The following KAT6B variants were observed in gnomAD, a reference collection of about 807,000 sequenced individuals.
The protein encoded by KAT6B is histone acetyltransferase KAT6B.
KAT6B carries 10 observed loss-of-function variants against 187.5 expected under a neutral mutation model. The ratio of observed to expected loss-of-function variants is 0.05; its 90% CI spans 0.03 to 0.09. The LOEUF (loss-of-function observed/expected upper bound fraction) is 0.09, where lower values mean the gene tolerates loss of function less well. Ranked by LOEUF, KAT6B falls within the 10% of genes least tolerant of loss-of-function variation. The pLI is 1.00. For synonymous variants in KAT6B, 861 were observed against 926.8 expected (o/e 0.93, Z 1.29); for missense variants, 1,952 against 2,558.9 (o/e 0.76, Z 5.12).
upstream of KAT6B, among the ~76,000 whole-genome samples, chr10:74,825,871 G>T (rs550954619): frequency 1.4e-4 from 22 of 151,822 alleles, no homozygotes; most frequent in Non-Finnish European, 1.9e-4. The surrounding 1 kb of genome is among the most constrained non-coding windows in gnomAD (Gnocchi z 5.0). Flanking sequence ...GGTGTGTTGG[G>T]GGGGGAAGGA....
chr10:74,999,137 T>C (rs1843651339), intron 13 of KAT6B, among the ~76,000 whole-genome samples: 1 of 152,212 alleles, frequency 6.6e-6, no homozygotes, highest in Non-Finnish European at 1.5e-5. Flanking sequence ...CCAGAGTCAA[T>C]GGAGGCCTGA....
chr10:74,938,301 A>C (rs191094713), intron 3 of KAT6B, among the ~76,000 whole-genome samples: 4 of 143,690 alleles, frequency 2.8e-5, no homozygotes, highest in Non-Finnish European at 4.7e-5. Flanking sequence ...TTCTGTTTGC[A>C]TATTAAAGTT....
rs766246729 is a variant in KAT6B at position 74,977,445 on chromosome 10, G to A, written c.2115+8G>A. 1.5e-5 allele frequency: 24 copies of A among 1,613,544 alleles called. No homozygotes were observed. Among genetic ancestry groups the A allele is most frequent in the South Asian group, 7.7e-5 (7 of 91,030 alleles). On this transcript the variant is annotated splice_region_variant and intron_variant, in intron 9 of 17. Transcript: ENST00000287239. ...CAGGAACTTTCTTGGGAGGTAAGGCGAGGATCCCACATTGTAGTAGCAAGT... is the reference window on the plus strand; with the variant it reads ...CAGGAACTTTCTTGGGAGGTAAGGCAAGGATCCCACATTGTAGTAGCAAGT...
At chr10:74,983,417 G>T (rs1419458837) in intron 11 of KAT6B, 2 of 152,228 alleles carry the variant, frequency 1.3e-5, no homozygotes, top group African/African-American at 4.8e-5. Context: ...CTTCCTGTTG[G>T]TATGCTATCC....
chr10:74,869,344 C>G (rs1843755881), intron 3 of KAT6B, among the ~76,000 whole-genome samples: 1 of 152,114 alleles, frequency 6.6e-6, no homozygotes, highest in Non-Finnish European at 1.5e-5. Flanking sequence ...CCCACCCAGA[C>G]TGGAGTGCAG....
At chr10:74,887,626 G>A (rs1403568073) in intron 3 of KAT6B, among the ~76,000 whole-genome samples, 1 of 152,092 alleles carries the variant, frequency 6.6e-6, no homozygotes, top group Non-Finnish European at 1.5e-5. Flanking sequence ...TGCCCAGCCT[G>A]GTCTCTGGTT....
At chr10:74,880,582 C>T (rs1233694115) in intron 3 of KAT6B, among the ~76,000 whole-genome samples, 1 of 152,112 alleles carries the variant, frequency 6.6e-6, no homozygotes, top group Non-Finnish European at 1.5e-5. Flanking sequence ...TGGCTGTATA[C>T]CTAGCAGTGG....
Position 74,985,196 on chromosome 10 carries a change from A to G in KAT6B, c.2490A>G (p.Thr830=), listed in dbSNP as rs201465048. 121 of 1,613,992 alleles carry G rather than the reference A, an allele frequency of 7.5e-5. No individual in the cohort carries two copies. In the East Asian group the frequency reaches 2.7e-3, roughly 35 times the overall value. ...DVEPFLFYVL[T]KNDEKGCHLV... is the part of the protein sequence containing the mutation. ...AGCCATTCCTTTTTTATGTCCTTAC[A>G]AAAAATGATGAAAAGGGCTGTCATC... The change falls in exon 12 of 18, where the codon ACA becomes ACG. Residue 830 remains threonine, a synonymous_variant. Transcript: ENST00000287239.
intron 13 of KAT6B, among the ~76,000 whole-genome samples, chr10:74,991,976 C>T (rs1228009935): frequency 6.6e-6 from 1 of 152,214 alleles, no homozygotes; most frequent in Non-Finnish European, 1.5e-5. Flanking sequence ...GGATGAGTCA[C>T]ATGACCTCTC....
Position 74,978,835 on chromosome 10 carries a change from A to G in KAT6B, c.2116-389A>G, listed in dbSNP as rs2133764723. Among the ~76,000 whole-genome samples, 3 of 152,372 alleles carry G rather than the reference A, an allele frequency of 2.0e-5. No homozygotes were observed. The South Asian group carries it at 6.2e-4, about 32-fold the overall frequency. On this transcript the variant is annotated intron_variant, in intron 9 of 17. Transcript: ENST00000287239. ...CTTCTGTAATAAATAAGCCTGTGTA[A>G]TAGCCACATCATTTATAATCACCTA...
In KAT6B at chr10:74,881,557, G is replaced by C. The variant is rs901693038; in HGVS notation, c.621+38079G>C. 3.9e-5 allele frequency among the ~76,000 whole-genome samples: 6 copies of C among 152,292 alleles called. 1 individual carries two copies. The highest frequency in any genetic ancestry group is 6.8e-3 in the Middle Eastern group (2 of 294). Reference sequence around the variant, plus strand: ...CTAAAACCATTCATTGATACTTTTTGAGTGATTATACTGAAAACAATTGCA... The same window carrying C: ...CTAAAACCATTCATTGATACTTTTTCAGTGATTATACTGAAAACAATTGCA... On this transcript the variant is annotated intron_variant, in intron 3 of 17. Coordinates refer to ENST00000287239, the MANE Select transcript of KAT6B (RefSeq NM_012330.4).
At chr10:74,929,524 C>T (rs572949757) in intron 3 of KAT6B, among the ~76,000 whole-genome samples, 18 of 152,218 alleles carry the variant, frequency 1.2e-4, no homozygotes, top group African/African-American at 3.9e-4. Flanking sequence ...AAGACACAAT[C>T]CTTATTTAGT....
At chr10:74,840,363 C>T (rs1048570936) in intron 2 of KAT6B, among the ~76,000 whole-genome samples, 13 of 152,088 alleles carry the variant, frequency 8.5e-5, no homozygotes, top group African/African-American at 2.2e-4. Context: ...GGGGTTTTGT[C>T]GTTAGTGGTT....
intron 3 of KAT6B, among the ~76,000 whole-genome samples, chr10:74,932,488 A>T (rs12265981): frequency 0.025 from 3,729 of 151,622 alleles, 156 homozygotes; most frequent in African/African-American, 0.086. Flanking sequence ...TGGATCAGTA[A>T]CCTTTCAGAA....
At chr10:74,845,217 A>G (rs1252318977) in intron 3 of KAT6B, among the ~76,000 whole-genome samples, 1 of 149,868 alleles carries the variant, frequency 6.7e-6, no homozygotes, top group East Asian at 2.0e-4. Flanking sequence ...TCCCAAAGAT[A>G]AAGAAAGGAA....
rs760375622 is a variant in KAT6B at position 74,975,610 on chromosome 10, CTTAAAG to C, written c.1278_1283del (p.Lys426_Val427del). The C allele has an allele frequency of 1.4e-5, 23 of 1,614,070 alleles. No individual in the cohort carries two copies. Among genetic ancestry groups the C allele is most frequent in the Middle Eastern group, 1.6e-4 (1 of 6,084 alleles). On this transcript the variant is annotated inframe_deletion, in exon 8 of 18. Coordinates refer to ENST00000287239, the MANE Select transcript of KAT6B (RefSeq NM_012330.4). The stretch of plus-strand genomic sequence containing the variant: ...CTCCACCTACATTTCTGCCTCTACA[CTTAAAG>C]TTAACAAGAAAACCAAAGGGCTCAT...
chr10:74,855,550 T>G (rs1456462603), intron 3 of KAT6B, among the ~76,000 whole-genome samples: 1 of 152,188 alleles, frequency 6.6e-6, no homozygotes, highest in Non-Finnish European at 1.5e-5. Flanking sequence ...AAACCCAGCT[T>G]TAGCTGTTGA....
At chr10:75,026,073 T>C (rs1845809330) in intron 17 of KAT6B, 1 of 146,176 alleles carries the variant, frequency 6.8e-6, no homozygotes, top group South Asian at 2.1e-4. Context: ...GGTGGGAGGA[T>C]CACCTGAGCT....
chr10:75,000,417 A>C (rs1224280408), intron 13 of KAT6B, among the ~76,000 whole-genome samples: 1 of 152,106 alleles, frequency 6.6e-6, no homozygotes, highest in Non-Finnish European at 1.5e-5. Flanking sequence ...GAAATTCAAC[A>C]TTCTCTCCTA....
Sources: gnomAD v4.1 joint callset for allele counts (sites outside exome capture counted in the v4.1 genomes callset) on GRCh38, gnomAD v4.1.1 for gene constraint, Gnocchi (gnomAD v3.1) non-coding constraint, MANE v1.5 for transcripts, NCBI Gene and HGNC (gene_info 2026-07-23, HGNC 2026-07-21) for gene names.